Variants in CSMD1 observed in about 807,000 individuals in gnomAD.
The protein encoded by CSMD1 is CUB and Sushi multiple domains 1, also known as CUB and sushi domain-containing protein 1.
CSMD1 carries 213 observed loss-of-function variants against 417.5 expected under a neutral mutation model. That is an observed-to-expected ratio of 0.51 (90% confidence interval 0.46 to 0.57). The LOEUF is 0.57. CSMD1 is among the 20% of genes least tolerant of loss of function. The probability of loss-of-function intolerance (pLI) is 0.00; values close to 1 mark genes in which losing one functional copy is unlikely to be tolerated. For missense variants in CSMD1, 6,923 were observed against 4,529.7 expected (o/e 1.53, Z -15.17); for synonymous variants, 2,862 against 1,736.8 (o/e 1.65, Z -16.11).
rs183582876 is a variant in CSMD1, at chr8:3,171,904, C to T, written c.5725+9206G>A. Among the ~76,000 whole-genome samples, 751 of 152,256 alleles carry T rather than the reference C, an allele frequency of 4.9e-3. 3 individuals carry two copies. The highest frequency in any genetic ancestry group is 8.5e-3 in the Non-Finnish European group (581 of 68,032). ...GTTAAATAGTTTGCATCCTGTGTCT[C>T]TATATTTGGGTTCAGAAACCCACTG... On this transcript the variant is annotated intron_variant, in intron 37 of 69. Transcript: ENST00000635120.
chr8:4,795,975 C>T (rs1175465953), intron 1 of CSMD1, among the ~76,000 whole-genome samples: 1 of 152,142 alleles, frequency 6.6e-6, no homozygotes, highest in Non-Finnish European at 1.5e-5. Context: ...TTCTTTTAAG[C>T]CTCTCTGATA....
intron 10 of CSMD1, among the ~76,000 whole-genome samples, chr8:3,547,723 G>C (rs1327306899): frequency 6.6e-6 from 1 of 152,078 alleles, no homozygotes; most frequent in Non-Finnish European, 1.5e-5. Context: ...AAAAACAATA[G>C]ATCTTATTTT....
At chr8:4,088,888 C>T (rs552212093) in intron 3 of CSMD1, among the ~76,000 whole-genome samples, 7 of 152,242 alleles carry the variant, frequency 4.6e-5, no homozygotes, top group South Asian at 2.1e-4. Flanking sequence ...CCGCAATCTT[C>T]CCCCTCTACT....
At chr8:4,116,354 G>A (rs183202480) in intron 3 of CSMD1, among the ~76,000 whole-genome samples, 8 of 152,230 alleles carry the variant, frequency 5.3e-5, no homozygotes, top group African/African-American at 1.7e-4. Context: ...GTGGATACAT[G>A]TCATTATACA....
At chr8:3,129,315 G>T (rs1033815119) in intron 41 of CSMD1, among the ~76,000 whole-genome samples, 1 of 152,218 alleles carries the variant, frequency 6.6e-6, no homozygotes. Flanking sequence ...CAAAGCAATT[G>T]TCTGACCTGT....
intron 3 of CSMD1, among the ~76,000 whole-genome samples, chr8:4,196,206 G>A (rs564695821): frequency 9.9e-5 from 15 of 152,104 alleles, no homozygotes; most frequent in East Asian, 3.9e-4. Flanking sequence ...GCAAGACTCC[G>A]TTTCAAAAAT....
At chr8:4,859,238 T>C (rs1289195483) in intron 1 of CSMD1, among the ~76,000 whole-genome samples, 2 of 151,942 alleles carry the variant, frequency 1.3e-5, no homozygotes, top group Non-Finnish European at 2.9e-5. Flanking sequence ...ACTGGATCCC[T>C]TCCTTACACC....
intron 2 of CSMD1, among the ~76,000 whole-genome samples, chr8:4,631,006 T>C (rs1057482305): frequency 1.3e-5 from 2 of 152,174 alleles, no homozygotes; most frequent in Non-Finnish European, 2.9e-5. Flanking sequence ...TATAAAAGCT[T>C]TGACAGTGGC....
At chr8:2,962,012 T>C (rs1803537372) in intron 61 of CSMD1, among the ~76,000 whole-genome samples, 1 of 152,222 alleles carries the variant, frequency 6.6e-6, no homozygotes, top group East Asian at 1.9e-4. Flanking sequence ...ATTACTTTTT[T>C]ACTAAAAATT....
chr8:3,850,116 C>T (rs1309379113), intron 5 of CSMD1, among the ~76,000 whole-genome samples: 1 of 152,202 alleles, frequency 6.6e-6, no homozygotes, highest in Non-Finnish European at 1.5e-5. Flanking sequence ...CTTTTTGATA[C>T]ATTTGGGCGA....
At chr8:3,560,420 T>C (rs904683647) in intron 10 of CSMD1, among the ~76,000 whole-genome samples, 2 of 152,162 alleles carry the variant, frequency 1.3e-5, no homozygotes, top group African/African-American at 4.8e-5. Flanking sequence ...ATGAAATAGC[T>C]GCAAAATGGG....
intron 20 of CSMD1, among the ~76,000 whole-genome samples, chr8:3,366,639 C>A (rs1352380410): frequency 3.3e-5 from 5 of 152,130 alleles, no homozygotes; most frequent in Non-Finnish European, 7.3e-5. Context: ...TTGGCACCTA[C>A]CGTAGGGTAG....
chr8:4,650,220 C>T, intron 1 of CSMD1, among the ~76,000 whole-genome samples: 1 of 151,764 alleles, frequency 6.6e-6, no homozygotes, highest in Non-Finnish European at 1.5e-5. Flanking sequence ...TGGCGGGCGC[C>T]TGTAGTCCCA....
intron 1 of CSMD1, among the ~76,000 whole-genome samples, chr8:4,804,493 T>C (rs1347297959): frequency 6.6e-6 from 1 of 151,084 alleles, no homozygotes; most frequent in Non-Finnish European, 1.5e-5. Context: ...GATTCCTGAC[T>C]GACTTTATAT....
At chr8:4,000,778 T>C (rs1278236028) in intron 4 of CSMD1, among the ~76,000 whole-genome samples, 3 of 152,004 alleles carry the variant, frequency 2.0e-5, no homozygotes, top group African/African-American at 7.2e-5. Flanking sequence ...TTCTTTTCTC[T>C]GAATTCATTA....
chr8:2,987,624 G>A (rs1332071340), intron 54 of CSMD1, among the ~76,000 whole-genome samples: 2 of 152,142 alleles, frequency 1.3e-5, no homozygotes, highest in South Asian at 2.1e-4. Flanking sequence ...TATGAGAAAT[G>A]AACACATGAC....
Position 3,069,980 on chromosome 8 carries a change from A to G in CSMD1, c.7474+17117T>C, listed in dbSNP as rs140665291. On this transcript the variant is annotated intron_variant, in intron 49 of 69. Coordinates refer to ENST00000635120, the MANE Select transcript of CSMD1 (RefSeq NM_033225.6). ...GCTTAACGCCACACGGAAGCTGTCAAGGTGTATGGCTTGCACCCTTCGGAA... is the reference window on the plus strand; with the variant it reads ...GCTTAACGCCACACGGAAGCTGTCAGGGTGTATGGCTTGCACCCTTCGGAA... 1.3e-3 allele frequency among the ~76,000 whole-genome samples: 198 copies of G among 152,346 alleles called. 1 individual carries two copies. The highest frequency in any genetic ancestry group is 4.5e-3 in the African/African-American group (186 of 41,586).
At chr8:3,861,218 T>C (rs1235864252) in intron 5 of CSMD1, among the ~76,000 whole-genome samples, 2 of 152,190 alleles carry the variant, frequency 1.3e-5, no homozygotes, top group Non-Finnish European at 2.9e-5. Flanking sequence ...TCTAATGTGA[T>C]TGCAGTCGCC....
intron 5 of CSMD1, among the ~76,000 whole-genome samples, chr8:3,900,549 G>C (rs1473583590): frequency 6.6e-6 from 1 of 152,018 alleles, no homozygotes; most frequent in Non-Finnish European, 1.5e-5. Flanking sequence ...GAAGCTAGGT[G>C]ACAGTGCAGA....
Sources: gnomAD v4.1 joint callset for allele counts (sites outside exome capture counted in the v4.1 genomes callset) on GRCh38, gnomAD v4.1.1 for gene constraint, MANE v1.5 for transcripts, NCBI Gene and HGNC (gene_info 2026-07-23, HGNC 2026-07-21) for gene names.